The following ALPK1 variants were observed in gnomAD, a reference collection of about 807,000 sequenced individuals.
ALPK1 encodes the protein alpha kinase 1.
ALPK1 carries 110 observed loss-of-function variants against 120.6 expected under a neutral mutation model. The observed-to-expected ratio is 0.91, with a 90% CI of 0.78 to 1.07. The LOEUF (loss-of-function observed/expected upper bound fraction) is 1.07. Ranked by LOEUF, ALPK1 falls within the 50% of genes least tolerant of loss-of-function variation. The pLI is 0.00. For missense variants in ALPK1, 1,498 were observed against 1,483.9 expected (o/e 1.01, Z -0.16); for synonymous variants, 582 against 560.3 (o/e 1.04, Z -0.55).
intron 5 of ALPK1, among the ~76,000 whole-genome samples, chr4:112,420,958 G>A (rs1480561837): frequency 1.3e-5 from 2 of 151,992 alleles, no homozygotes; most frequent in Admixed American, 6.6e-5. Context: ...TCAGCCTCCC[G>A]AGTAGCTGAG....
chr4:112,438,804 T>C (rs1327544448), intron 13 of ALPK1, among the ~76,000 whole-genome samples, 158 bp downstream of exon 13: 1 of 152,170 alleles, frequency 6.6e-6, no homozygotes, highest in African/African-American at 2.4e-5. Context: ...CCCTAAAGAT[T>C]TATCTAGTAC....
chr4:112,310,846 G>A (rs1448089777), intron 1 of ALPK1, among the ~76,000 whole-genome samples: 2 of 152,088 alleles, frequency 1.3e-5, no homozygotes, highest in Non-Finnish European at 2.9e-5. Context: ...TAAGTGCTAT[G>A]TATATCCTAC....
chr4:112,417,224 A>C (rs573737918), intron 5 of ALPK1, among the ~76,000 whole-genome samples: 6 of 152,308 alleles, frequency 3.9e-5, no homozygotes, highest in African/African-American at 1.4e-4. Flanking sequence ...TACACACTAA[A>C]GGATGCATTT....
intron 1 of ALPK1, among the ~76,000 whole-genome samples, chr4:112,307,871 T>C (rs1309540522): frequency 6.6e-6 from 1 of 152,178 alleles, no homozygotes; most frequent in Non-Finnish European, 1.5e-5. Flanking sequence ...GGCATGTTTT[T>C]GCAGTGGCTG....
intron 2 of ALPK1, among the ~76,000 whole-genome samples, chr4:112,325,307 T>G (rs1286704120): frequency 6.6e-6 from 1 of 152,196 alleles, no homozygotes; most frequent in African/African-American, 2.4e-5. Context: ...CAGCCATGAT[T>G]TTTTTCCCCA....
rs148637713 is a variant in ALPK1 at position 112,433,571 on chromosome 4, C to T, written c.3034+990C>T. 1.3e-3 allele frequency among the ~76,000 whole-genome samples: 205 copies of T among 152,312 alleles called. 1 individual carries two copies. The highest frequency in any genetic ancestry group is 4.6e-3 in the African/African-American group (193 of 41,576). On this transcript the variant is annotated intron_variant, in intron 11 of 15. Coordinates refer to ENST00000650871, the MANE Select transcript of ALPK1 (RefSeq NM_025144.4). ...AACAGCCCAATGTCACTGCCCAAAG[C>T]GGGAAGCCTGGGCTGGAGCCACCTA... is the stretch of plus-strand genomic sequence containing the variant.
chr4:112,368,707 C>G (rs1297613299), intron 2 of ALPK1, among the ~76,000 whole-genome samples: 5 of 152,124 alleles, frequency 3.3e-5, no homozygotes. Flanking sequence ...TTCAAATTCT[C>G]AAGGGAAAAA....
intron 4 of ALPK1, among the ~76,000 whole-genome samples, chr4:112,406,997 A>G (rs1451690198): frequency 2.0e-5 from 3 of 152,148 alleles, no homozygotes; most frequent in African/African-American, 7.2e-5. Context: ...GCTCCCATGT[A>G]ACGTCAAACT....
rs1486997259 is a variant in ALPK1 at position 112,426,450 on chromosome 4, C to T, written c.623-17C>T. ...TTCCTCCCCTGTCCCTCTCCCCGCCCCTCTTTTTTTTTTCAGGGATGTGGT... is the reference window on the plus strand; with the variant it reads ...TTCCTCCCCTGTCCCTCTCCCCGCCTCTCTTTTTTTTTTCAGGGATGTGGT... On this transcript the variant is annotated splice_polypyrimidine_tract_variant and intron_variant, in intron 7 of 15. Coordinates refer to ENST00000650871, the MANE Select transcript of ALPK1 (RefSeq NM_025144.4). 7 of 1,580,068 alleles carry T rather than the reference C, an allele frequency of 4.4e-6. No homozygotes were observed. The highest frequency in any genetic ancestry group is 1.1e-5 in the South Asian group (1 of 88,856).
intron 2 of ALPK1, among the ~76,000 whole-genome samples, chr4:112,329,562 A>G (rs934240756): frequency 1.3e-5 from 2 of 152,248 alleles, no homozygotes; most frequent in African/African-American, 4.8e-5. Context: ...TTAACCTAAA[A>G]TATGAAAGTA....
intron 4 of ALPK1, among the ~76,000 whole-genome samples, chr4:112,404,766 G>A (rs1182192840): frequency 6.6e-6 from 1 of 152,130 alleles, no homozygotes; most frequent in Non-Finnish European, 1.5e-5. Flanking sequence ...GAACATTTTT[G>A]TGTGCCTATA....
chr4:112,329,628 A>T (rs530763037), intron 2 of ALPK1, among the ~76,000 whole-genome samples: 1 of 152,336 alleles, frequency 6.6e-6, no homozygotes, highest in South Asian at 2.1e-4. Context: ...GTTGATTTGG[A>T]TTTAAAGGCA....
intron 2 of ALPK1, among the ~76,000 whole-genome samples, chr4:112,352,121 A>T (rs1730387077): frequency 6.6e-6 from 1 of 152,230 alleles, no homozygotes; most frequent in South Asian, 2.1e-4. Context: ...AATGATATTC[A>T]TTACCAACCC....
intron 2 of ALPK1, among the ~76,000 whole-genome samples, chr4:112,353,684 A>G (rs1258836073): frequency 6.6e-6 from 1 of 152,158 alleles, no homozygotes; most frequent in African/African-American, 2.4e-5. Flanking sequence ...CCCAGCCAAC[A>G]TGGCAAAACC....
intron 4 of ALPK1, among the ~76,000 whole-genome samples, chr4:112,410,199 C>T (rs1733387944): frequency 6.6e-6 from 1 of 152,008 alleles, no homozygotes; most frequent in Admixed American, 6.5e-5. Flanking sequence ...TGTTAACTCC[C>T]TACCTGGGCC....
At chr4:112,349,551 G>GCT (rs71595592) in intron 2 of ALPK1, among the ~76,000 whole-genome samples, 1 of 103,714 alleles carries the variant, frequency 9.6e-6, no homozygotes, top group African/African-American at 4.1e-5. Context: ...CCCAACCCCT[G>GCT]CCCCCCCCCG....
In ALPK1 at chr4:112,391,131, G is replaced by A. The variant is rs115992915; in HGVS notation, c.276+8579G>A. Among the ~76,000 whole-genome samples the A allele has an allele frequency of 2.2e-3, 335 of 152,298 alleles. 1 individual carries two copies. Among genetic ancestry groups the A allele is most frequent in the Middle Eastern group, 0.01 (3 of 294 alleles). ...TCTGAAAGGAATATACCTTCCCATGGAGATATTAGGCTAGGCCCTCACAAC... is the reference window on the plus strand; with the variant it reads ...TCTGAAAGGAATATACCTTCCCATGAAGATATTAGGCTAGGCCCTCACAAC... On this transcript the variant is annotated intron_variant, in intron 4 of 15. Coordinates refer to ENST00000650871, the MANE Select transcript of ALPK1 (RefSeq NM_025144.4).
At chr4:112,376,841 C>CTAAGAGAGAA (rs201339307) in intron 2 of ALPK1, among the ~76,000 whole-genome samples, 3,463 of 152,288 alleles carry the variant, frequency 0.023, 46 homozygotes, top group Admixed American at 0.032. Flanking sequence ...CTGGCAATGT[C>CTAAGAGAGAA]TAACTTCCTG....
intron 4 of ALPK1, among the ~76,000 whole-genome samples, chr4:112,397,052 T>C (rs988850661): frequency 6.6e-6 from 1 of 152,176 alleles, no homozygotes; most frequent in Non-Finnish European, 1.5e-5. Flanking sequence ...GCTAGGATTA[T>C]AGATGTGAGC....
Sources: allele counts gnomAD v4.1 joint callset (sites outside exome capture counted in the v4.1 genomes callset), GRCh38; gene constraint gnomAD v4.1.1; transcripts MANE v1.5; gene names NCBI Gene and HGNC (gene_info 2026-07-23, HGNC 2026-07-21).